ZBTB8OS: variants seen among roughly 807,000 people sequenced by gnomAD.
ZBTB8OS encodes tRNA-splicing ligase-activating factor archease.
Under a neutral mutation model 29.3 loss-of-function variants are expected in ZBTB8OS, and 16 were observed. The observed-to-expected ratio is 0.55, with a 90% confidence interval of 0.37 to 0.83. ZBTB8OS has a LOEUF of 0.83. ZBTB8OS is among the 40% of genes least tolerant of loss of function. The pLI is 0.00. For missense variants in ZBTB8OS, 160 were observed against 196.9 expected (o/e 0.81, Z 1.12); for synonymous variants, 70 against 64.6 (o/e 1.08, Z -0.40).
Position 32,635,215 on chromosome 1 carries a change from G to A in ZBTB8OS, c.98-423C>T, listed in dbSNP as rs148725798. ...ACAGGAAAACCAGAAAGTAACAAAC[G>A]GTACTATAGCACATTCCCATTGGAT... On this transcript the variant is annotated intron_variant, in intron 1 of 6. Transcript: ENST00000468695. Among the ~76,000 whole-genome samples the A allele has an allele frequency of 1.7e-3, 262 of 151,488 alleles. 3 individuals are homozygous for A. In the East Asian group the frequency reaches 0.034, roughly 20 times the overall value.
At chr1:32,644,394 C>T (rs1297961282) in intron 1 of ZBTB8OS, among the ~76,000 whole-genome samples, 2 of 151,954 alleles carry the variant, frequency 1.3e-5, no homozygotes, top group Non-Finnish European at 2.9e-5. Flanking sequence ...CAGGTGGAAA[C>T]AAGACTAGGT....
intron 1 of ZBTB8OS, among the ~76,000 whole-genome samples, chr1:32,647,472 A>T (rs1646945082): frequency 6.6e-6 from 1 of 151,800 alleles, no homozygotes; most frequent in African/African-American, 2.4e-5. Context: ...GAAAGGGTCA[A>T]TGCAGGGGGT....
intron 1 of ZBTB8OS, among the ~76,000 whole-genome samples, chr1:32,635,727 CCTAA>C (rs1645903921): frequency 6.6e-6 from 1 of 152,130 alleles, no homozygotes; most frequent in Non-Finnish European, 1.5e-5. Context: ...AGAAATCGGA[CCTAA>C]CTGACTCCAT....
At chr1:32,638,007 G>T (rs1056995160) in intron 1 of ZBTB8OS, among the ~76,000 whole-genome samples, 8 of 151,498 alleles carry the variant, frequency 5.3e-5, no homozygotes, top group African/African-American at 1.9e-4. Flanking sequence ...CTAATTTTTT[G>T]TATTTTTTAA....
chr1:32,643,436 A>G (rs455122), intron 1 of ZBTB8OS, among the ~76,000 whole-genome samples: 125,772 of 151,718 alleles, frequency 0.83, 54,624 homozygotes, highest in Non-Finnish European at 0.96. Context: ...ACTGTCTACC[A>G]AGGTGGAGTA....
At chr1:32,639,391 T>C (rs571761537) in intron 1 of ZBTB8OS, among the ~76,000 whole-genome samples, 12 of 152,020 alleles carry the variant, frequency 7.9e-5, no homozygotes, top group Non-Finnish European at 1.5e-4. Context: ...TAGTACAATA[T>C]ATCCTAGTAT....
At position 32,634,757 on chromosome 1, in the gene ZBTB8OS, G is replaced by C; in HGVS notation, c.122+11C>G. The C allele has an allele frequency of 6.2e-7, 1 of 1,613,826 alleles. No homozygotes were observed. Among genetic ancestry groups the C allele is most frequent in the African/African-American group, 1.3e-5 (1 of 75,006 alleles). ...CGTGGTTTCAAAGGAATGAACTCCC[G>C]CTATACTCACTGGACATCTGCTGTA... On this transcript the variant is annotated intron_variant, in intron 2 of 6. Transcript: ENST00000468695.
intron 1 of ZBTB8OS, among the ~76,000 whole-genome samples, chr1:32,647,828 T>C (rs1646971713): frequency 6.6e-6 from 1 of 152,178 alleles, no homozygotes; most frequent in Non-Finnish European, 1.5e-5. Context: ...CATTATATAT[T>C]ACAACGTAAT....
At chr1:32,648,058 A>G (rs1646991663) in intron 1 of ZBTB8OS, among the ~76,000 whole-genome samples, 1 of 152,180 alleles carries the variant, frequency 6.6e-6, no homozygotes, top group African/African-American at 2.4e-5. Flanking sequence ...ATAACCCAAG[A>G]GAAAAAAGGG....
At position 32,621,659 on chromosome 1, in the gene ZBTB8OS, T is replaced by TA; in HGVS notation, c.*202dup. 1 of 536,952 alleles carries TA rather than the reference T, an allele frequency of 1.9e-6. No homozygotes were observed. The highest frequency in any genetic ancestry group is 3.4e-5 in the East Asian group (1 of 29,612). 33.3% of individuals were successfully genotyped at this position (536,952 alleles called of 1,614,324 possible). On this transcript the variant is annotated 3_prime_UTR_variant, in exon 7 of 7. Transcript: ENST00000468695. ...TCCCTTGGGGGGTTGAAGAATTCTT[T>TA]AAAGTGTGAATATTTGGGGAACACA...
At chr1:32,623,434 TTCTCAC>T (rs1432224302) in intron 6 of ZBTB8OS, among the ~76,000 whole-genome samples, 1 of 152,186 alleles carries the variant, frequency 6.6e-6, no homozygotes, top group Non-Finnish European at 1.5e-5. Context: ...TCCTCCCTCA[TTCTCAC>T]TCTCAATCAA....
At chr1:32,622,047 T>C in intron 6 of ZBTB8OS, 99 bp from the exon 7 acceptor site, 1 of 848,876 alleles carries the variant, frequency 1.2e-6, no homozygotes, top group Non-Finnish European at 1.8e-6. Context: ...GTAAAAATTT[T>C]AGTATTTTGA....
intron 6 of ZBTB8OS, among the ~76,000 whole-genome samples, chr1:32,625,288 T>C (rs1468323088): frequency 6.6e-6 from 1 of 151,498 alleles, no homozygotes; most frequent in Non-Finnish European, 1.5e-5. Context: ...TCACGCCTCT[T>C]TTGGGAGGCT....
intron 5 of ZBTB8OS, among the ~76,000 whole-genome samples, chr1:32,630,265 G>A (rs1184651867): frequency 2.0e-5 from 3 of 152,088 alleles, no homozygotes; most frequent in African/African-American, 4.8e-5. Context: ...GGTGGCAGGC[G>A]CCTGTAATCC....
chr1:32,627,459 ATGG>A lies in ZBTB8OS; in HGVS notation c.417+46_417+48del, dbSNP rs772240674. ...GTTGATTGTCACATATATGAACTTTATGGTAAGGAAATTTTTCATGTTCTTAAT... is the reference window on the plus strand; with the variant it reads ...GTTGATTGTCACATATATGAACTTTATAAGGAAATTTTTCATGTTCTTAAT... On this transcript the variant is annotated intron_variant, in intron 6 of 6. Transcript: ENST00000468695. 5.1e-6 allele frequency: 8 copies of A among 1,577,544 alleles called. No homozygotes were observed. The African/African-American group carries it at 9.5e-5, about 19-fold the overall frequency.
In ZBTB8OS at chr1:32,633,963, C is replaced by A. The variant is rs146265623; in HGVS notation, c.232G>T (p.Val78Leu). 2 of 1,582,346 alleles carry A rather than the reference C, an allele frequency of 1.3e-6. No individual in the cohort carries two copies. Among genetic ancestry groups the A allele is most frequent in the Non-Finnish European group, 1.7e-6 (2 of 1,170,846 alleles). ...GTVEPLQTVE[V>L]ETQGDDLQSL... is the part of the protein sequence containing the mutation. ...ATAAATCATTTACCTTGGGTTTCTA[C>A]TTCTACTGTTTGGAGGGGCTCCACT... The change falls in exon 3 of 7, where the codon GTA becomes TTA. Residue 78 changes from valine to leucine, a missense_variant. Val to Leu is a conservative substitution (Grantham distance 32). Transcript: ENST00000468695.
At chr1:32,649,126 C>A (rs1393177038) in intron 1 of ZBTB8OS, among the ~76,000 whole-genome samples, 2 of 151,570 alleles carry the variant, frequency 1.3e-5, no homozygotes, top group African/African-American at 4.9e-5. Context: ...CACCATCATG[C>A]GCAGCTAATT....
At chr1:32,633,331 C>T (rs1645716928) in intron 4 of ZBTB8OS, 2 of 229,260 alleles carry the variant, frequency 8.7e-6, no homozygotes, top group Non-Finnish European at 1.7e-5. Context: ...AGACTAGCCT[C>T]GACAACATAG....
chr1:32,647,622 G>C (rs1442693459), intron 1 of ZBTB8OS, among the ~76,000 whole-genome samples: 1 of 152,034 alleles, frequency 6.6e-6, no homozygotes, highest in Non-Finnish European at 1.5e-5. Context: ...CTTCCTTTCA[G>C]ATCAGGCACA....
Sources: allele counts gnomAD v4.1 joint callset (sites outside exome capture counted in the v4.1 genomes callset), GRCh38; gene constraint gnomAD v4.1.1; transcripts MANE v1.5; gene names NCBI Gene and HGNC (gene_info 2026-07-23, HGNC 2026-07-21).